OR56A3: variants seen among roughly 807,000 people sequenced by gnomAD.
The protein encoded by OR56A3 is olfactory receptor 56A3.
OR56A3 carries 23 observed loss-of-function variants against 17.5 expected under a neutral mutation model. The observed-to-expected ratio is 1.32, with a 90% CI of 0.95 to 1.87. The LOEUF is 1.87. Among genes scored for constraint, OR56A3 ranks in the 40% most tolerant of loss-of-function variants. The pLI, the probability that OR56A3 is intolerant of heterozygous loss-of-function variation, is 0.00. For synonymous variants in OR56A3, 175 were observed against 150.6 expected (o/e 1.16, Z -1.19); for missense variants, 366 against 380.1 (o/e 0.96, Z 0.31).
In OR56A3 at chr11:5,948,511, C is replaced by G. The variant is rs529893519; in HGVS notation, c.*217C>G. 1 of 508,624 alleles carries G rather than the reference C, an allele frequency of 2.0e-6. No homozygotes were observed. Among genetic ancestry groups the G allele is most frequent in the East Asian group, 3.0e-5 (1 of 32,914 alleles). The allele number at this position is 508,624 out of a possible 1,614,324, so 31.5% of individuals were successfully genotyped here. On this transcript the variant is annotated 3_prime_UTR_variant, in exon 3 of 3. Coordinates refer to ENST00000641160, the MANE Select transcript of OR56A3 (RefSeq NM_001003443.3). ...TGGCCCTCTCTCGTTTTATTCCATG[C>G]TTATAATCATATTTTGTCCAAAACA...
the OR56A3 span, chr11:6,002,539 T>C: frequency 6.2e-7 from 1 of 1,614,180 alleles, no homozygotes. Flanking sequence ...TTCCGGGCTA[T>C]AACAAAGACC....
At chr11:5,970,586 A>G in the OR56A3 span, among the ~76,000 whole-genome samples, 1 of 152,190 alleles carries the variant, frequency 6.6e-6, no homozygotes, top group South Asian at 2.1e-4. Context: ...CACAGGTAGA[A>G]CAGTATGTAT....
At chr11:5,960,416 C>T in the OR56A3 span, among the ~76,000 whole-genome samples, 1 of 152,348 alleles carries the variant, frequency 6.6e-6, no homozygotes, top group Admixed American at 6.5e-5. Flanking sequence ...CGCACCGCCA[C>T]ACCTGACTGG....
chr11:5,975,358 TC>T, the OR56A3 span, among the ~76,000 whole-genome samples: 1 of 58,868 alleles, frequency 1.7e-5, no homozygotes, highest in Non-Finnish European at 3.1e-5. Flanking sequence ...CCCTCCCCCC[TC>T]CCCCCACCCC....
chr11:5,975,120 T>C, the OR56A3 span, among the ~76,000 whole-genome samples: 1 of 152,206 alleles, frequency 6.6e-6, no homozygotes, highest in Non-Finnish European at 1.5e-5. Context: ...AGAGTCCAGA[T>C]CATATATTGT....
At chr11:5,983,677 C>T in the OR56A3 span, among the ~76,000 whole-genome samples, 5 of 152,284 alleles carry the variant, frequency 3.3e-5, no homozygotes, top group South Asian at 1.0e-3. Flanking sequence ...GGAGTGAATA[C>T]TTCTCTCTTC....
At chr11:5,994,153 T>C in the OR56A3 span, 117,022 of 505,230 alleles carry the variant, frequency 0.23, 15,727 homozygotes, top group Admixed American at 0.37. Context: ...CAGGATCCCA[T>C]TGAGCTGCTC....
In OR56A3 at chr11:5,948,068, C is replaced by T. The variant is rs773027238; in HGVS notation, c.722C>T (p.Ala241Val). 3 of 1,614,072 alleles carry T rather than the reference C, an allele frequency of 1.9e-6. No individual in the cohort carries two copies. The African/African-American group carries it at 4.0e-5, about 22-fold the overall frequency. Residue 241 changes from alanine to valine, a missense_variant, in exon 3 of 3, where the codon GCC becomes GTC. Physicochemically the swap from Ala to Val is moderately conservative, Grantham distance 64. Transcript: ENST00000641160. Reference protein sequence around the residue: ...RLKAEGAVAKALSTCGSHFML... With the variant: ...RLKAEGAVAKVLSTCGSHFML... ...AAGGCAGAGGGTGCCGTGGCAAAGG[C>T]CCTAAGCACATGTGGCTCCCACTTC...
In OR56A3 at chr11:5,948,291, C is replaced by T; in HGVS notation, c.945C>T (p.Cys315=). The T allele has an allele frequency of 6.2e-7, 1 of 1,600,348 alleles. No individual in the cohort carries two copies. Among genetic ancestry groups the T allele is most frequent in the Non-Finnish European group, 8.6e-7 (1 of 1,167,878 alleles). ...TGCAGAGGTTGTTGAAGAAAGGGTGCTAACAAGGACCACTGGATCTCTGAA... is the reference window on the plus strand; with the variant it reads ...TGCAGAGGTTGTTGAAGAAAGGGTGTTAACAAGGACCACTGGATCTCTGAA... ...QGMQRLLKKG[C] is the part of the protein sequence containing the mutation. The change falls in exon 3 of 3, where the codon TGC becomes TGT. Residue 315 remains cysteine, a synonymous_variant. Coordinates refer to ENST00000641160, the MANE Select transcript of OR56A3 (RefSeq NM_001003443.3).
the OR56A3 span, among the ~76,000 whole-genome samples, chr11:5,977,431 T>C: frequency 6.6e-6 from 1 of 152,244 alleles, no homozygotes; most frequent in African/African-American, 2.4e-5. Flanking sequence ...GGTATCTCAT[T>C]GTGGTTTTGA....
rs1328358812 is a variant in OR56A3 at position 5,948,303 on chromosome 11, AC to A, written c.*10del. 2 of 1,563,338 alleles carry A rather than the reference AC, an allele frequency of 1.3e-6. No individual in the cohort carries two copies. Among genetic ancestry groups the A allele is most frequent in the African/African-American group, 2.7e-5 (2 of 73,542 alleles). On this transcript the variant is annotated 3_prime_UTR_variant, in exon 3 of 3. Coordinates refer to ENST00000641160, the MANE Select transcript of OR56A3 (RefSeq NM_001003443.3). Reference sequence around the variant, plus strand: ...TGAAGAAAGGGTGCTAACAAGGACCACTGGATCTCTGAATATCTAAAATAAG... The same window carrying A: ...TGAAGAAAGGGTGCTAACAAGGACCATGGATCTCTGAATATCTAAAATAAG...
the OR56A3 span, among the ~76,000 whole-genome samples, chr11:6,011,599 T>C: frequency 6.6e-6 from 1 of 152,164 alleles, no homozygotes; most frequent in Non-Finnish European, 1.5e-5. Flanking sequence ...ATGACAATGT[T>C]ATGGGATCTT....
Position 5,947,863 on chromosome 11 carries a change from T to A in OR56A3, c.517T>A (p.Cys173Ser). 1 of 1,614,238 alleles carries A rather than the reference T, an allele frequency of 6.2e-7. No individual in the cohort carries two copies. Among genetic ancestry groups the A allele is most frequent in the Non-Finnish European group, 8.5e-7 (1 of 1,180,038 alleles). ...CATCCTTTCAGCACAACTCCGTTAT[T>A]GTGGAAGAAATGTCATTGAGAACTG... Reference protein sequence around the residue: ...IPILSAQLRYCGRNVIENCIC... With the variant: ...IPILSAQLRYSGRNVIENCIC... Residue 173 changes from cysteine (C) to serine (S), a missense_variant, in exon 3 of 3, where the codon TGT becomes AGT. Transcript: ENST00000641160.
rs936126678 is a variant in OR56A3 at position 5,949,853 on chromosome 11, A to G, written c.*1559A>G. 6.6e-6 allele frequency: 1 copy of G among 152,206 alleles called. No homozygotes were observed. Among genetic ancestry groups the G allele is most frequent in the Non-Finnish European group, 1.5e-5 (1 of 68,030 alleles). 9.4% of individuals were successfully genotyped at this position (152,206 alleles called of 1,614,324 possible). On this transcript the variant is annotated 3_prime_UTR_variant, in exon 3 of 3. Coordinates refer to ENST00000641160, the MANE Select transcript of OR56A3 (RefSeq NM_001003443.3). ...ATTGAAAAATAAGCATGTACCACAT[A>G]TAAGAAGCAATAGTTAAAAGCATAT...
the OR56A3 span, among the ~76,000 whole-genome samples, chr11:5,990,858 A>C: frequency 6.6e-6 from 1 of 152,180 alleles, no homozygotes; most frequent in Non-Finnish European, 1.5e-5. Flanking sequence ...GGAGACTGCA[A>C]CACAGAGAGA....
the OR56A3 span, chr11:6,002,360 G>A: frequency 6.2e-7 from 1 of 1,613,994 alleles, no homozygotes; most frequent in African/African-American, 1.3e-5. Context: ...TAAGATCAGA[G>A]CCCAACAGAG....
the OR56A3 span, among the ~76,000 whole-genome samples, chr11:5,983,405 ATTG>A: frequency 6.6e-6 from 1 of 150,950 alleles, no homozygotes; most frequent in Non-Finnish European, 1.5e-5. Context: ...ATGCTACCTT[ATTG>A]TTATTGTTTT....
chr11:5,954,790 C>T (rs1847924503), downstream of OR56A3, among the ~76,000 whole-genome samples: 1 of 152,064 alleles, frequency 6.6e-6, no homozygotes, highest in Non-Finnish European at 1.5e-5. Context: ...TAGATTTCTC[C>T]TAAAGGAACT....
the OR56A3 span, chr11:5,994,116 C>G: frequency 2.0e-6 from 1 of 493,134 alleles, no homozygotes; most frequent in East Asian, 5.6e-5. Context: ...CTGCTTAGGT[C>G]TCTGCCAGCT....
Sources: allele counts gnomAD v4.1 joint callset (sites outside exome capture counted in the v4.1 genomes callset), GRCh38; gene constraint gnomAD v4.1.1; transcripts MANE v1.5; gene names NCBI Gene and HGNC (gene_info 2026-07-23, HGNC 2026-07-21).